Variants in CHTF18 observed in about 807,000 individuals in gnomAD.
CHTF18 encodes chromosome transmission fidelity factor 18.
Under a neutral mutation model 113.4 loss-of-function variants are expected in CHTF18, and 151 were observed. The observed-to-expected ratio is 1.33, with a 90% CI of 1.17 to 1.52. The LOEUF (loss-of-function observed/expected upper bound fraction) is 1.52. Among genes scored for constraint, CHTF18 ranks in the 40% most tolerant of loss-of-function variants. CHTF18 has a pLI of 0.00. For missense variants in CHTF18, 1,982 were observed against 1,381.6 expected, an observed-to-expected ratio of 1.43 and a Z score of -6.89; for synonymous variants, 916 against 598.8, an observed-to-expected ratio of 1.53 and a Z score of -7.74.
chr16:795,479 G>C, intron 16 of CHTF18, 123 bp downstream of exon 16: 1 of 352,958 alleles, frequency 2.8e-6, no homozygotes, highest in Non-Finnish European at 4.5e-6. Flanking sequence ...GCTGCCCCCG[G>C]CCCCGTGCCC....
At chr16:790,052 C>G (rs780969735) in intron 4 of CHTF18, 125 bp from the exon 5 acceptor site, 26 of 1,536,342 alleles carry the variant, frequency 1.7e-5, no homozygotes, top group Non-Finnish European at 2.2e-5. Flanking sequence ...CCTGTCCAGT[C>G]TCCCACCCCT....
In CHTF18 at chr16:789,544, C is replaced by T; in HGVS notation, c.438-3C>T. 6.3e-7 allele frequency: 1 copy of T among 1,596,348 alleles called. No individual in the cohort carries two copies. The highest frequency in any genetic ancestry group is 1.3e-5 in the African/African-American group (1 of 74,670). The stretch of plus-strand genomic sequence containing the variant: ...CTGCCACTGAGCCCCGGTCTCTCTC[C>T]AGAGTCTCAGAAGCTGCTGCCGACG... On this transcript the variant is annotated splice_polypyrimidine_tract_variant and splice_region_variant and intron_variant, in intron 3 of 21. Coordinates refer to ENST00000262315, the MANE Select transcript of CHTF18 (RefSeq NM_022092.3).
rs530952986 is a variant in CHTF18, at chr16:792,248, C to A, written c.1227C>A (p.Phe409Leu). 3.6e-5 allele frequency: 56 copies of A among 1,568,074 alleles called. 1 individual carries two copies. The South Asian group carries it at 5.9e-4, about 16-fold the overall frequency. The change falls in exon 10 of 22, where the codon TTC (phenylalanine) becomes TTA (leucine). Residue 409 changes from phenylalanine (F) to leucine (L), a missense_variant. Physicochemically the swap from Phe to Leu is conservative, Grantham distance 22. Transcript: ENST00000262315. ...NASDDRSPEV[F>L]RTRIEAATQM... ...GTGACGACCGTAGCCCGGAGGTCTTCCGCACACGCATCGAGGCGGCCACCC... is the reference window on the plus strand; with the variant it reads ...GTGACGACCGTAGCCCGGAGGTCTTACGCACACGCATCGAGGCGGCCACCC...
rs757847396 is a variant in CHTF18 at position 797,683 on chromosome 16, C to T, written c.2734-11C>T. The T allele has an allele frequency of 1.1e-5, 18 of 1,611,656 alleles. No homozygotes were observed. Among genetic ancestry groups the T allele is most frequent in the South Asian group, 5.5e-5 (5 of 90,914 alleles). On this transcript the variant is annotated splice_polypyrimidine_tract_variant and intron_variant, in intron 20 of 21. Coordinates refer to ENST00000262315, the MANE Select transcript of CHTF18 (RefSeq NM_022092.3). ...TGTCCTATACGACTGACTAGTCCTT[C>T]CTCCCATCAGCCTGAGAAGGACTTC...
In CHTF18 at chr16:792,815, G is replaced by A. The variant is rs780102557; in HGVS notation, c.1572+4G>A. 30 of 1,540,020 alleles carry A rather than the reference G, an allele frequency of 1.9e-5. No homozygotes were observed. The South Asian group carries it at 2.7e-4, about 14-fold the overall frequency. The stretch of plus-strand genomic sequence containing the variant: ...GCTGGTGCAGCGGCTCCAGGAGGTC[G>A]GTGGAGCCCCAGGAGCCGTGTGGCT... On this transcript the variant is annotated splice_donor_region_variant and intron_variant, in intron 12 of 21. Coordinates refer to ENST00000262315, the MANE Select transcript of CHTF18 (RefSeq NM_022092.3).
At chr16:790,750 C>T (rs1299363675) in intron 7 of CHTF18, 84 bp downstream of exon 7, 17 of 1,450,814 alleles carry the variant, frequency 1.2e-5, no homozygotes, top group South Asian at 5.8e-5. Context: ...TTTTGCACAG[C>T]CAATCCACTG....
chr16:791,656 C>G (rs936818267), intron 8 of CHTF18, 195 bp from the exon 9 acceptor site: 4 of 1,427,748 alleles, frequency 2.8e-6, no homozygotes, highest in Non-Finnish European at 3.6e-6. Context: ...TCTGCACGAA[C>G]TTTGCTTTGT....
rs1323273832 is a variant in CHTF18 at position 788,671 on chromosome 16, G to C, written c.-14G>C. 2 of 1,525,428 alleles carry C rather than the reference G, an allele frequency of 1.3e-6. No individual in the cohort carries two copies. Among genetic ancestry groups the C allele is most frequent in the Non-Finnish European group, 1.8e-6 (2 of 1,139,140 alleles). The allele number at this position is 1,525,428 out of a possible 1,614,324, so 94.5% of individuals were successfully genotyped here. A position where few individuals can be genotyped will look rare whatever the true frequency, so the allele number is the denominator to read the frequency against. On this transcript the variant is annotated 5_prime_UTR_variant, in exon 1 of 22. Transcript: ENST00000262315. ...GCGGGAGGTTCGGAGCGGGAGCTCGGGCTCGCGGACGGTATGGAGGACTAC... is the reference window on the plus strand; with the variant it reads ...GCGGGAGGTTCGGAGCGGGAGCTCGCGCTCGCGGACGGTATGGAGGACTAC...
intron 14 of CHTF18, 133 bp from the exon 15 acceptor site, chr16:793,921 G>C: frequency 9.9e-7 from 1 of 1,007,274 alleles, no homozygotes; most frequent in East Asian, 2.5e-5. Context: ...ACCTGAGCGA[G>C]GCAGCAAGGG....
In CHTF18 at chr16:797,070, G is replaced by A; in HGVS notation, c.2711G>A (p.Arg904Lys). 2 of 1,542,860 alleles carry A rather than the reference G, an allele frequency of 1.3e-6. No individual in the cohort carries two copies. The highest frequency in any genetic ancestry group is 1.7e-6 in the Non-Finnish European group (2 of 1,146,614). The part of the protein sequence containing the change: ...NHEQRLEHIM[R>K]RAAREEQPEK... ...GAGCAGCGGCTGGAGCACATCATGA[G>A]GCGAGCGGCCCGGGAGGAACAGGTG... Residue 904 changes from arginine to lysine, a missense_variant, in exon 20 of 22, where the codon AGG (arginine) becomes AAG (lysine). Transcript: ENST00000262315.
rs183561737 is a variant in CHTF18 at position 795,834 on chromosome 16, C to T, written c.2325C>T (p.Pro775=). Residue 775 remains proline, a splice_region_variant and synonymous_variant, in exon 17 of 22, where the codon CCC becomes CCT. Transcript: ENST00000262315. Reference sequence around the variant, plus strand: ...ACATTCTTGCACCCAAGCTCCGCCCCGTGAGTGCCGTCCCCGGGGTGGGGG... The same window carrying T: ...ACATTCTTGCACCCAAGCTCCGCCCTGTGAGTGCCGTCCCCGGGGTGGGGG... ...LLDILAPKLR[P]VSTQLYSTRE... 43 of 1,608,884 alleles carry T rather than the reference C, an allele frequency of 2.7e-5. No homozygotes were observed. The highest frequency in any genetic ancestry group is 1.7e-4 in the Admixed American group (10 of 59,776).
In CHTF18 at chr16:796,704, C is replaced by T. The variant is rs781574561; in HGVS notation, c.2457-13C>T. On this transcript the variant is annotated splice_polypyrimidine_tract_variant and intron_variant, in intron 18 of 21. Transcript: ENST00000262315. ...CCCGCTGACCTGCCCTGGTGTCCCC[C>T]TGTGCTGAGCAGGAACGTGGAGGAA... 2.5e-6 allele frequency: 4 copies of T among 1,592,458 alleles called. No homozygotes were observed. The highest frequency in any genetic ancestry group is 1.7e-5 in the Admixed American group (1 of 59,100).
At chr16:796,682 G>A (rs767443550) in intron 18 of CHTF18, 35 bp from the exon 19 acceptor site, 26 of 1,551,074 alleles carry the variant, frequency 1.7e-5, no homozygotes, top group African/African-American at 8.2e-5. Context: ...GCCTGGCCCC[G>A]CTGACCTGCC....
rs2277902 is a variant in CHTF18, at chr16:789,027, C to G, written c.188C>G (p.Ser63Cys). Reference protein sequence around the residue: ...EEALARGDAASSPAPAASVGS... With the variant: ...EEALARGDAACSPAPAASVGS... ...GCCCTTGCCAGAGGGGACGCGGCCT[C>G]CAGTCCCGCCCCAGCCGCATCTGTG... Residue 63 changes from serine (S) to cysteine (C), a missense_variant, in exon 2 of 22, where the codon TCC (serine) becomes TGC (cysteine). Coordinates refer to ENST00000262315, the MANE Select transcript of CHTF18 (RefSeq NM_022092.3). 3.9e-6 allele frequency: 6 copies of G among 1,534,130 alleles called. No homozygotes were observed. Among genetic ancestry groups the G allele is most frequent in the Admixed American group, 2.0e-5 (1 of 49,260 alleles).
intron 8 of CHTF18, 146 bp downstream of exon 8, chr16:791,516 A>C: frequency 7.0e-7 from 1 of 1,438,686 alleles, no homozygotes; most frequent in Admixed American, 2.8e-5. Flanking sequence ...CGTGAGTTAG[A>C]ACTGGAGCGT....
rs2042175241 is a variant in CHTF18 at position 790,745 on chromosome 16, C to T, written c.894+79C>T. The T allele has an allele frequency of 5.5e-6, 8 of 1,453,152 alleles. No individual in the cohort carries two copies. The South Asian group carries it at 1.0e-4, about 18-fold the overall frequency. 90.0% of individuals were successfully genotyped at this position (1,453,152 alleles called of 1,614,324 possible). On this transcript the variant is annotated intron_variant, in intron 7 of 21. Coordinates refer to ENST00000262315, the MANE Select transcript of CHTF18 (RefSeq NM_022092.3). The stretch of plus-strand genomic sequence containing the variant: ...AAGAACCTGGGCCCAGTGATTTTTG[C>T]ACAGCCAATCCACTGGGCCTCGGAG...
At chr16:790,786 G>A in intron 7 of CHTF18, 120 bp downstream of exon 7, 1 of 1,437,274 alleles carries the variant, frequency 7.0e-7, no homozygotes, top group Non-Finnish European at 9.1e-7. Flanking sequence ...GTGGGCTCTG[G>A]TTTGCCCTTT....
Position 792,985 on chromosome 16 carries a change from T to C in CHTF18, c.1592T>C (p.Met531Thr). The C allele has an allele frequency of 3.8e-6, 6 of 1,560,580 alleles. No homozygotes were observed. The highest frequency in any genetic ancestry group is 5.2e-6 in the Non-Finnish European group (6 of 1,153,132). The change falls in exon 13 of 22, where the codon ATG becomes ACG. Residue 531 changes from methionine (M) to threonine (T), a missense_variant. Met to Thr is a moderately conservative substitution (Grantham distance 81). Coordinates refer to ENST00000262315, the MANE Select transcript of CHTF18 (RefSeq NM_022092.3). ...CACCAGGTCTCCCTGCGGCAGGGCATGAGGGCCGACCCAGGGGTGCTGGCC... is the reference window on the plus strand; with the variant it reads ...CACCAGGTCTCCCTGCGGCAGGGCACGAGGGCCGACCCAGGGGTGCTGGCC... The part of the protein sequence containing the change: ...RLQEVSLRQG[M>T]RADPGVLAAL...
chr16:797,754 G>A lies in CHTF18; in HGVS notation c.2791+3G>A, dbSNP rs1181613633. 6.2e-7 allele frequency: 1 copy of A among 1,608,054 alleles called. No individual in the cohort carries two copies. Among genetic ancestry groups the A allele is most frequent in the Admixed American group, 1.7e-5 (1 of 59,506 alleles). On this transcript the variant is annotated splice_donor_region_variant and intron_variant, in intron 21 of 21. Coordinates refer to ENST00000262315, the MANE Select transcript of CHTF18 (RefSeq NM_022092.3). Reference sequence around the variant, plus strand: ...GAGCACAGCAGTCCCGAGTGCAGGTGTGTGTGGGGGTGTTGTGGGGTTGTG... The same window carrying A: ...GAGCACAGCAGTCCCGAGTGCAGGTATGTGTGGGGGTGTTGTGGGGTTGTG...
Sources: gnomAD v4.1 joint callset for allele counts on GRCh38, gnomAD v4.1.1 for gene constraint, MANE v1.5 for transcripts, NCBI Gene and HGNC (gene_info 2026-07-23, HGNC 2026-07-21) for gene names.